TMEM131L: variants seen among roughly 807,000 people sequenced by gnomAD.
The protein encoded by TMEM131L is transmembrane protein 131-like.
TMEM131L carries 54 observed loss-of-function variants against 192.2 expected under a neutral mutation model. That is an observed-to-expected ratio of 0.28 (90% CI 0.23 to 0.35). TMEM131L has a LOEUF of 0.35. TMEM131L is among the 10% of genes least tolerant of loss of function. The pLI is 1.00. For synonymous variants in TMEM131L, 701 were observed against 704.9 expected (o/e 0.99, Z 0.09); for missense variants, 1,888 against 1,972.9 (o/e 0.96, Z 0.82).
rs1732069473 is a variant in TMEM131L, at chr4:153,604,369, A to G, written c.3357A>G (p.Leu1119=). Residue 1119 remains leucine (L), a synonymous_variant, in exon 25 of 35, where the codon TTA becomes TTG. Coordinates refer to ENST00000409959, the MANE Select transcript of TMEM131L (RefSeq NM_001131007.2). ...CCAAGAAACTACCTGAAAACCATTT[A>G]CCAAGAAACTCACCTCAGTACCACC... ...KTSKKLPENH[L]PRNSPQYHQP... The G allele has an allele frequency of 6.2e-7, 1 of 1,613,624 alleles. No homozygotes were observed. Among genetic ancestry groups the G allele is most frequent in the Non-Finnish European group, 8.5e-7 (1 of 1,179,874 alleles).
intron 7 of TMEM131L, among the ~76,000 whole-genome samples, chr4:153,561,065 T>C (rs1728816052): frequency 6.6e-6 from 1 of 152,262 alleles, no homozygotes. Flanking sequence ...TGTTTGTTTT[T>C]TAAATAGCCA....
Position 153,567,504 on chromosome 4 carries a change from T to C in TMEM131L, c.660+9136T>C, listed in dbSNP as rs74433372. 7.7e-4 allele frequency among the ~76,000 whole-genome samples: 117 copies of C among 152,024 alleles called. No individual in the cohort carries two copies. The South Asian group carries it at 8.3e-3, about 11-fold the overall frequency. ...TGAAGGTGAGGTTAGAGTGAAAGTT[T>C]AGTAAGTGAAGCAAGAAAGCTAGAT... On this transcript the variant is annotated intron_variant, in intron 7 of 34. Transcript: ENST00000409959.
chr4:153,549,100 G>A (rs1298874181), intron 3 of TMEM131L, among the ~76,000 whole-genome samples: 2 of 151,956 alleles, frequency 1.3e-5, no homozygotes, highest in Non-Finnish European at 2.9e-5. Context: ...GAGTAGCTGG[G>A]ATTACAGGCG....
At chr4:153,534,124 C>G (rs1306092933) in intron 3 of TMEM131L, among the ~76,000 whole-genome samples, 1 of 152,158 alleles carries the variant, frequency 6.6e-6, no homozygotes, top group Non-Finnish European at 1.5e-5. Flanking sequence ...ATCAATGACA[C>G]CGGTTTGGGA....
At chr4:153,632,552 A>G in intron 31 of TMEM131L, 166 bp from the exon 32 acceptor site, 1 of 701,886 alleles carries the variant, frequency 1.4e-6, no homozygotes, top group South Asian at 1.9e-5. Context: ...TCAAAACAAT[A>G]TGCTGTATTT....
At chr4:153,613,781 C>T (rs557048673) in intron 26 of TMEM131L, among the ~76,000 whole-genome samples, 3 of 151,716 alleles carry the variant, frequency 2.0e-5, no homozygotes, top group Admixed American at 1.3e-4. Flanking sequence ...AATGGGAGAC[C>T]CTAGTTATTT....
intron 4 of TMEM131L, among the ~76,000 whole-genome samples, chr4:153,550,649 C>A (rs775791096): frequency 1.3e-5 from 2 of 149,138 alleles, no homozygotes; most frequent in African/African-American, 5.1e-5. Context: ...AATAAGTATA[C>A]CTTTTAATAT....
At chr4:153,583,269 A>G (rs1202053584) in intron 10 of TMEM131L, 21 bp downstream of exon 10, 2 of 1,235,620 alleles carry the variant, frequency 1.6e-6, no homozygotes, top group African/African-American at 1.5e-5. Context: ...ATGCTTACCT[A>G]AAGTAACTTT....
Position 153,505,161 on chromosome 4 carries a change from C to T in TMEM131L, c.239+31273C>T, listed in dbSNP as rs1300234498. Among the ~76,000 whole-genome samples the T allele has an allele frequency of 4.0e-5, 6 of 149,548 alleles. No homozygotes were observed. The South Asian group carries it at 6.3e-4, about 16-fold the overall frequency. On this transcript the variant is annotated intron_variant, in intron 3 of 34. Coordinates refer to ENST00000409959, the MANE Select transcript of TMEM131L (RefSeq NM_001131007.2). Reference sequence around the variant, plus strand: ...TCGCTCTGTTGCCCAGGCTGGAGTGCAACAGCACAATCTCGGCTCACTGCA... The same window carrying T: ...TCGCTCTGTTGCCCAGGCTGGAGTGTAACAGCACAATCTCGGCTCACTGCA...
At chr4:153,532,894 A>G (rs1736011981) in intron 3 of TMEM131L, among the ~76,000 whole-genome samples, 1 of 152,170 alleles carries the variant, frequency 6.6e-6, no homozygotes. Context: ...TGACGCATTA[A>G]AGGAACTCAT....
chr4:153,565,165 T>A (rs1729110108), intron 7 of TMEM131L, among the ~76,000 whole-genome samples: 1 of 152,218 alleles, frequency 6.6e-6, no homozygotes, highest in Admixed American at 6.5e-5. Flanking sequence ...GTCTCTCTCC[T>A]GCTCTTCCAT....
intron 3 of TMEM131L, among the ~76,000 whole-genome samples, chr4:153,529,339 G>A (rs1735727392): frequency 6.6e-6 from 1 of 152,156 alleles, no homozygotes; most frequent in African/African-American, 2.4e-5. Context: ...AGAAATGAAA[G>A]TAAAATTTCC....
intron 19 of TMEM131L, among the ~76,000 whole-genome samples, chr4:153,594,443 C>T (rs1346146991): frequency 6.6e-6 from 1 of 152,172 alleles, no homozygotes; most frequent in Non-Finnish European, 1.5e-5. Context: ...AGCCTTACTT[C>T]TCAGTTTCCA....
At chr4:153,600,453 G>A (rs967042807) in intron 21 of TMEM131L, among the ~76,000 whole-genome samples, 2 of 152,048 alleles carry the variant, frequency 1.3e-5, no homozygotes, top group Non-Finnish European at 2.9e-5. Context: ...AGCTGCATGT[G>A]TCTAATGGCT....
chr4:153,490,682 G>A (rs1220836193), intron 3 of TMEM131L, among the ~76,000 whole-genome samples: 7 of 152,116 alleles, frequency 4.6e-5, no homozygotes, highest in East Asian at 1.9e-4. Flanking sequence ...GCGGCCGGGC[G>A]TGGGGGCTCA....
chr4:153,578,962 A>G (rs1241107814), intron 7 of TMEM131L, among the ~76,000 whole-genome samples: 1 of 152,136 alleles, frequency 6.6e-6, no homozygotes, highest in African/African-American at 2.4e-5. Flanking sequence ...CCAGCCTAAC[A>G]AGTCTCTTTT....
Position 153,586,306 on chromosome 4 carries a change from C to T in TMEM131L, c.1409C>T (p.Thr470Ile). Residue 470 changes from threonine to isoleucine, a missense_variant, in exon 14 of 35, where the codon ACC (threonine) becomes ATC (isoleucine). Thr to Ile is a moderately conservative substitution (Grantham distance 89, BLOSUM62 -1). Coordinates refer to ENST00000409959, the MANE Select transcript of TMEM131L (RefSeq NM_001131007.2). ...AVKDIAINLFTNVFLTTNIGA... is the reference protein window; with the variant it reads ...AVKDIAINLFINVFLTTNIGA... ...AAAGACATTGCCATAAATCTATTCACCAATGTATTTTTGACTACAAACATA... is the reference window on the plus strand; with the variant it reads ...AAAGACATTGCCATAAATCTATTCATCAATGTATTTTTGACTACAAACATA... 1 of 1,604,624 alleles carries T rather than the reference C, an allele frequency of 6.2e-7. No homozygotes were observed. Among genetic ancestry groups the T allele is most frequent in the Non-Finnish European group, 8.5e-7 (1 of 1,176,288 alleles).
intron 3 of TMEM131L, among the ~76,000 whole-genome samples, chr4:153,491,504 A>G (rs1187636149): frequency 6.6e-6 from 1 of 152,152 alleles, no homozygotes; most frequent in Non-Finnish European, 1.5e-5. Flanking sequence ...GTAATCATTC[A>G]TATGGTAAGA....
chr4:153,521,862 G>GT lies in TMEM131L; in HGVS notation c.240-28195dup, dbSNP rs34480228. 3.7e-3 allele frequency among the ~76,000 whole-genome samples: 507 copies of GT among 137,124 alleles called. 7 individuals are homozygous for GT. Among genetic ancestry groups the GT allele is most frequent in the East Asian group, 0.022 (105 of 4,790 alleles). 90.0% of individuals were successfully genotyped at this position (137,124 alleles called of 152,430 possible). A position where few individuals can be genotyped will look rare whatever the true frequency, so the allele number is the denominator to read the frequency against. The stretch of plus-strand genomic sequence containing the variant: ...CCATGTTGTTGCATGTGTTTTCTGT[G>GT]TTTTTTTTTTTTTTTTGTTAACATC... On this transcript the variant is annotated intron_variant, in intron 3 of 34. Transcript: ENST00000409959.
Sources: gnomAD v4.1 joint callset for allele counts (sites outside exome capture counted in the v4.1 genomes callset) on GRCh38, gnomAD v4.1.1 for gene constraint, MANE v1.5 for transcripts, NCBI Gene and HGNC (gene_info 2026-07-23, HGNC 2026-07-21) for gene names.